The following WDR5 variants were observed in gnomAD, a reference collection of about 807,000 sequenced individuals.
WDR5 encodes the protein WD repeat-containing protein 5.
For synonymous variants in WDR5, 144 were observed against 161.6 expected (o/e 0.89, Z 0.83); for missense variants, 187 against 416.9 (o/e 0.45, Z 4.80).
At chr9:134,145,096 G>GTTTTTTTGT (rs1832110155) in intron 7 of WDR5, among the ~76,000 whole-genome samples, 1 of 104,664 alleles carries the variant, frequency 9.6e-6, no homozygotes, top group African/African-American at 3.4e-5. Flanking sequence ...GTGGGGCTTT[G>GTTTTTTTGT]TTTTTTTTTT....
intron 1 of WDR5, among the ~76,000 whole-genome samples, chr9:134,138,258 C>T (rs948484427): frequency 6.6e-6 from 1 of 152,194 alleles, no homozygotes; most frequent in African/African-American, 2.4e-5. Flanking sequence ...GCTCGGCCTT[C>T]TGAGCTGCCT....
intron 1 of WDR5, among the ~76,000 whole-genome samples, chr9:134,137,772 C>G (rs1279814714): frequency 3.3e-5 from 5 of 152,170 alleles, no homozygotes; most frequent in East Asian, 1.9e-4. Context: ...CCGCCACCCC[C>G]CGACGGAGTT....
At chr9:134,154,348 ATGG>A (rs2132581255) in intron 9 of WDR5, 115 bp from the exon 10 acceptor site, 6 of 1,011,578 alleles carry the variant, frequency 5.9e-6, no homozygotes, top group Non-Finnish European at 9.3e-6. Context: ...GCTGGCACTG[ATGG>A]TGGTGGCCGA....
intron 10 of WDR5, 61 bp downstream of exon 10, chr9:134,154,602 G>T (rs180936091): frequency 6.4e-7 from 1 of 1,566,494 alleles, no homozygotes; most frequent in African/African-American, 1.4e-5. Flanking sequence ...AGACACCTGC[G>T]TGCCAGCGTG....
chr9:134,155,543 G>A (rs1483878219), intron 11 of WDR5, 150 bp from the exon 12 acceptor site: 2 of 1,241,012 alleles, frequency 1.6e-6, no homozygotes, highest in African/African-American at 1.5e-5. Context: ...GTGGCAGTCT[G>A]CAAGTTAAAT....
chr9:134,156,745 C>CT, intron 13 of WDR5, 152 bp downstream of exon 13: 1 of 724,484 alleles, frequency 1.4e-6, no homozygotes, highest in Non-Finnish European at 2.3e-6. Flanking sequence ...GCTAAGAGCT[C>CT]TTGCCCAAGG....
intron 1 of WDR5, among the ~76,000 whole-genome samples, chr9:134,139,026 G>C (rs1333984976): frequency 6.6e-6 from 1 of 152,192 alleles, no homozygotes; most frequent in Non-Finnish European, 1.5e-5. Flanking sequence ...GTACAGATTT[G>C]GGATAATTTT....
intron 13 of WDR5, 92 bp downstream of exon 13, chr9:134,156,685 G>C: frequency 1.6e-6 from 2 of 1,276,562 alleles, no homozygotes; most frequent in Non-Finnish European, 2.2e-6. Context: ...GGGTGCCGTC[G>C]TCTTCCCCTT....
At chr9:134,147,565 G>C (rs1004924637) in intron 7 of WDR5, among the ~76,000 whole-genome samples, 1 of 152,192 alleles carries the variant, frequency 6.6e-6, no homozygotes, top group African/African-American at 2.4e-5. Flanking sequence ...TGCCAAGGCT[G>C]GGAAACTGCT....
intron 8 of WDR5, 26 bp from the exon 9 acceptor site, chr9:134,151,957 G>A (rs757032518): frequency 3.6e-5 from 58 of 1,611,986 alleles, no homozygotes; most frequent in South Asian, 4.4e-5. Context: ...GTCTGCTTAC[G>A]CTTTTTTGTT....
chr9:134,152,025 C>G lies in WDR5; in HGVS notation c.627C>G (p.Leu209=). The G allele has an allele frequency of 6.2e-7, 1 of 1,614,052 alleles. No individual in the cohort carries two copies. The highest frequency in any genetic ancestry group is 1.3e-5 in the African/African-American group (1 of 75,048). The change falls in exon 9 of 14, where the codon CTC becomes CTG. Residue 209 remains leucine, a synonymous_variant. Transcript: ENST00000358625. ...CCTCAGGCCAGTGCCTGAAGACGCT[C>G]ATCGGTGAGTGTGGCTCTGTGTGGG... The part of the protein sequence containing the change: ...DTASGQCLKT[L]IDDDNPPVSF...
chr9:134,152,912 C>T (rs1175142916), intron 9 of WDR5, among the ~76,000 whole-genome samples: 2 of 152,190 alleles, frequency 1.3e-5, no homozygotes, highest in African/African-American at 4.8e-5. Flanking sequence ...GTCCCTGGTG[C>T]CTCCGTGTGT....
chr9:134,139,194 C>G (rs1831744815), intron 1 of WDR5, among the ~76,000 whole-genome samples: 1 of 152,174 alleles, frequency 6.6e-6, no homozygotes, highest in African/African-American at 2.4e-5. Flanking sequence ...TTGCTCTCAT[C>G]TCTGTGTTTT....
At chr9:134,152,091 GC>G in intron 9 of WDR5, 62 bp downstream of exon 9, 1 of 1,566,954 alleles carries the variant, frequency 6.4e-7, no homozygotes, top group Non-Finnish European at 8.7e-7. Flanking sequence ...TGGGTTCACT[GC>G]CCCTGTTCTT....
At chr9:134,142,117 C>G (rs1831922677) in intron 5 of WDR5, 79 bp downstream of exon 5, 1 of 1,341,608 alleles carries the variant, frequency 7.5e-7, no homozygotes, top group Non-Finnish European at 1.0e-6. Context: ...GAGTTGACTG[C>G]TCAGTAAGCA....
Position 134,157,451 on chromosome 9 carries a change from G to A in WDR5, c.905-442G>A, listed in dbSNP as rs1326983990. Among the ~76,000 whole-genome samples, 6 of 152,116 alleles carry A rather than the reference G, an allele frequency of 3.9e-5. No homozygotes were observed. Among genetic ancestry groups the A allele is most frequent in the African/African-American group, 1.2e-4 (5 of 41,418 alleles). ...CTGGGGCTTAGCATTGGGGGGAGGC[G>A]GTGGGAGTGGGCGGCTCAGGGTCCG... On this transcript the variant is annotated intron_variant, in intron 13 of 13. Transcript: ENST00000358625. The surrounding 1 kb of genome is among the most constrained non-coding windows in gnomAD (Gnocchi z 5.0).
chr9:134,143,002 G>C (rs912493715), intron 7 of WDR5, among the ~76,000 whole-genome samples: 1 of 152,188 alleles, frequency 6.6e-6, no homozygotes, highest in African/African-American at 2.4e-5. Flanking sequence ...AGTGGCCACA[G>C]GCGTTCAGGA....
intron 9 of WDR5, 23 bp downstream of exon 9, chr9:134,152,052 G>T (rs765258720): frequency 6.2e-7 from 1 of 1,612,164 alleles, no homozygotes; most frequent in Non-Finnish European, 8.5e-7. Flanking sequence ...CTGTGTGGGG[G>T]CTGGGTCTGT....
chr9:134,155,449 C>A (rs554609776), intron 11 of WDR5, 76 bp downstream of exon 11: 23 of 1,515,324 alleles, frequency 1.5e-5, no homozygotes, highest in Non-Finnish European at 2.0e-5. Context: ...AGAGCTGGCC[C>A]CGGTGATGAC....
Sources: allele counts gnomAD v4.1 joint callset (sites outside exome capture counted in the v4.1 genomes callset), GRCh38; gene constraint gnomAD v4.1.1; non-coding constraint Gnocchi (gnomAD v3.1); transcripts MANE v1.5; gene names NCBI Gene and HGNC (gene_info 2026-07-23, HGNC 2026-07-21).